Variants in ODAD2 observed in about 807,000 individuals in gnomAD.
The protein encoded by ODAD2 is outer dynein arm docking complex subunit 2.
Under a neutral mutation model 106.8 loss-of-function variants are expected in ODAD2, and 89 were observed. That is an observed-to-expected ratio of 0.83 (90% CI 0.70 to 0.99). The LOEUF is 0.99. Ranked by LOEUF, ODAD2 falls within the 50% of genes least tolerant of loss-of-function variation. The probability of loss-of-function intolerance (pLI) is 0.00; values close to 1 mark genes in which losing one functional copy is unlikely to be tolerated. For synonymous variants in ODAD2, 404 were observed against 436.2 expected (o/e 0.93, Z 0.92); for missense variants, 1,168 against 1,238.5 (o/e 0.94, Z 0.85).
Position 27,862,537 on chromosome 10 carries a change from G to T in ODAD2, c.2696C>A (p.Ala899Glu), listed in dbSNP as rs780571698. ...LLKSDNKEVL[A>E]SVCAAITNIA... ...GTTGGTAATGGCAGCACATACACTTGCCAGAACTTCTTTGTTATCTGATTT... is the reference window on the plus strand; with the variant it reads ...GTTGGTAATGGCAGCACATACACTTTCCAGAACTTCTTTGTTATCTGATTT... Residue 899 changes from alanine (A) to glutamate (E), a missense_variant, in exon 18 of 20, where the codon GCA becomes GAA. Around this residue, in one of 3 missense-constraint regions of ODAD2, gnomAD observed 701 missense variants for 712.3 expected, o/e 0.98. Coordinates refer to ENST00000305242, the MANE Select transcript of ODAD2 (RefSeq NM_018076.5). 3 of 1,611,168 alleles carry T rather than the reference G, an allele frequency of 1.9e-6. No individual in the cohort carries two copies. Among genetic ancestry groups the T allele is most frequent in the Non-Finnish European group, 2.5e-6 (3 of 1,178,748 alleles).
chr10:27,860,689 G>T lies in ODAD2; in HGVS notation c.2957C>A (p.Ala986Asp), dbSNP rs554957301. ...GGCGTCTTCTGAGAGTTGGTACAAG[G>T]CCTGAGCTGTCGCCCGATGCACGTT... ...DTNVHRATAQ[A>D]LYQLSEDADN... Residue 986 changes from alanine (A) to aspartate (D), a missense_variant, in exon 19 of 20, where the codon GCC becomes GAC. Transcript: ENST00000305242. 6 of 1,614,138 alleles carry T rather than the reference G, an allele frequency of 3.7e-6. No homozygotes were observed. In the South Asian group the frequency reaches 6.6e-5, roughly 18 times the overall value.
At chr10:27,962,355 C>T (rs187392191) in intron 9 of ODAD2, among the ~76,000 whole-genome samples, 1 of 152,318 alleles carries the variant, frequency 6.6e-6, no homozygotes, top group Non-Finnish European at 1.5e-5. Context: ...CTCAATGGCC[C>T]ACGTGCCTCG....
At chr10:27,840,773 G>C (rs112640382) in intron 19 of ODAD2, among the ~76,000 whole-genome samples, 1 of 152,218 alleles carries the variant, frequency 6.6e-6, no homozygotes, top group African/African-American at 2.4e-5. Flanking sequence ...GGAGCTCAGC[G>C]CCTTCTTAGG....
At chr10:27,861,477 AT>A (rs1348145719) in intron 18 of ODAD2, among the ~76,000 whole-genome samples, 2 of 152,222 alleles carry the variant, frequency 1.3e-5, no homozygotes, top group Non-Finnish European at 2.9e-5. Flanking sequence ...TCAGCAAGTT[AT>A]TTTGTAATCC....
chr10:27,887,403 C>T (rs1271329612), intron 17 of ODAD2, among the ~76,000 whole-genome samples: 1 of 151,916 alleles, frequency 6.6e-6, no homozygotes, highest in Non-Finnish European at 1.5e-5. Flanking sequence ...TATCCCATTT[C>T]CCATCATGCA....
chr10:27,999,176 A>G (rs369106062), upstream of ODAD2: 11 of 152,242 alleles, frequency 7.2e-5, no homozygotes, highest in African/African-American at 2.4e-4. Context: ...AAACACTTTT[A>G]TGCAACTCCC....
intron 2 of ODAD2, among the ~76,000 whole-genome samples, chr10:27,993,959 A>AATATATATATATATATATAT (rs33977457): frequency 2.3e-5 from 3 of 129,652 alleles, no homozygotes; most frequent in African/African-American, 8.5e-5. Flanking sequence ...GAGGCTGGCA[A>AATATATATATATATATATAT]ATATATATAT....
intron 16 of ODAD2, among the ~76,000 whole-genome samples, chr10:27,925,920 T>G (rs187066998): frequency 1.3e-5 from 2 of 151,016 alleles, no homozygotes; most frequent in Non-Finnish European, 2.9e-5. Flanking sequence ...ACAGGAGAAT[T>G]GCTTGAGCCC....
chr10:27,902,497 A>G (rs1367690043), intron 17 of ODAD2, among the ~76,000 whole-genome samples: 1 of 152,206 alleles, frequency 6.6e-6, no homozygotes, highest in Non-Finnish European at 1.5e-5. Context: ...CAAAAAATCA[A>G]TGAATCCAGG....
At chr10:27,880,897 G>T (rs531047529) in intron 17 of ODAD2, among the ~76,000 whole-genome samples, 1 of 152,158 alleles carries the variant, frequency 6.6e-6, no homozygotes, top group Non-Finnish European at 1.5e-5. Flanking sequence ...TGTATTCATT[G>T]GTGGGTGGGA....
intron 10 of ODAD2, among the ~76,000 whole-genome samples, chr10:27,950,286 A>G (rs1022319830): frequency 2.6e-5 from 4 of 152,224 alleles, no homozygotes; most frequent in Non-Finnish European, 4.4e-5. Flanking sequence ...TCCCAGGATC[A>G]GAAATGGTAC....
At chr10:27,886,390 C>A (rs1307165899) in intron 17 of ODAD2, among the ~76,000 whole-genome samples, 1 of 151,790 alleles carries the variant, frequency 6.6e-6, no homozygotes, top group African/African-American at 2.4e-5. Context: ...GATAATAAAA[C>A]TATAAACTGA....
intron 17 of ODAD2, among the ~76,000 whole-genome samples, chr10:27,879,026 C>CA (rs150899463): frequency 0.027 from 4,128 of 152,002 alleles, 181 homozygotes; most frequent in African/African-American, 0.092. Context: ...ACTTACATAA[C>CA]AAAAAAATGC....
chr10:27,840,384 C>T (rs1402406667), intron 19 of ODAD2, among the ~76,000 whole-genome samples: 1 of 152,184 alleles, frequency 6.6e-6, no homozygotes, highest in Non-Finnish European at 1.5e-5. Flanking sequence ...TGAGTTGTCA[C>T]TTTCGTGCAC....
At chr10:27,868,193 T>A (rs1040855664) in intron 17 of ODAD2, among the ~76,000 whole-genome samples, 1 of 151,940 alleles carries the variant, frequency 6.6e-6, no homozygotes, top group African/African-American at 2.4e-5. Flanking sequence ...TGCTTGTGAG[T>A]CTGTGGAGAA....
At chr10:27,935,287 T>A in intron 15 of ODAD2, 35 bp from the exon 16 acceptor site, 1 of 1,607,992 alleles carries the variant, frequency 6.2e-7, no homozygotes, top group Non-Finnish European at 8.5e-7. Context: ...GAATTGGTTT[T>A]TGTATAAGGT....
chr10:27,886,896 T>A (rs1398119245), intron 17 of ODAD2, among the ~76,000 whole-genome samples: 4 of 151,514 alleles, frequency 2.6e-5, no homozygotes, highest in Non-Finnish European at 4.4e-5. Context: ...CAAAAGGATA[T>A]CAAAATGTGT....
chr10:27,906,840 A>G (rs1187611295), intron 17 of ODAD2, among the ~76,000 whole-genome samples: 1 of 152,148 alleles, frequency 6.6e-6, no homozygotes. Flanking sequence ...AGGGAGGGGA[A>G]CATCACACAT....
At chr10:27,893,013 G>A (rs1452479973) in intron 17 of ODAD2, among the ~76,000 whole-genome samples, 1 of 152,028 alleles carries the variant, frequency 6.6e-6, no homozygotes, top group Non-Finnish European at 1.5e-5. Flanking sequence ...GCCAGGCATG[G>A]GGCTGCATGC....
Sources: gnomAD v4.1 joint callset for allele counts (sites outside exome capture counted in the v4.1 genomes callset) on GRCh38, gnomAD v4.1.1 for gene constraint, gnomAD v4.1.1 regional missense constraint, MANE v1.5 for transcripts, NCBI Gene and HGNC (gene_info 2026-07-23, HGNC 2026-07-21) for gene names.